The following RANBP2 variants were observed in gnomAD, a reference collection of about 807,000 sequenced individuals.
RANBP2 encodes the protein RAN binding protein 2.
A neutral mutation model predicts 303.6 loss-of-function variants in RANBP2; 57 were observed. The observed-to-expected ratio is 0.19, with a 90% CI of 0.15 to 0.23. The LOEUF (loss-of-function observed/expected upper bound fraction) is 0.23. Ranked by LOEUF, RANBP2 falls within the 10% of genes least tolerant of loss-of-function variation. The pLI is 1.00. For synonymous variants in RANBP2, 1,167 were observed against 1,301.5 expected (o/e 0.90, Z 2.23); for missense variants, 3,138 against 3,780.8 (o/e 0.83, Z 4.46).
the RANBP2 span, among the ~76,000 whole-genome samples, chr2:109,331,843 G>A: frequency 6.6e-6 from 1 of 152,156 alleles, no homozygotes; most frequent in African/African-American, 2.4e-5. Context: ...GGGGCACCCT[G>A]TCATGCCCCT....
At chr2:108,909,579 C>T in the RANBP2 span, among the ~76,000 whole-genome samples, 1 of 152,242 alleles carries the variant, frequency 6.6e-6, no homozygotes, top group Non-Finnish European at 1.5e-5. Context: ...GGTGTCCTTC[C>T]AGGCGCAGCC....
chr2:109,123,229 C>G, the RANBP2 span, among the ~76,000 whole-genome samples: 3 of 152,154 alleles, frequency 2.0e-5, no homozygotes, highest in African/African-American at 7.2e-5. Flanking sequence ...GCTAACTAGA[C>G]AGGTGCCCTG....
the RANBP2 span, among the ~76,000 whole-genome samples, chr2:109,573,614 A>C: frequency 3.5e-4 from 54 of 152,330 alleles, no homozygotes; most frequent in African/African-American, 9.1e-4. Context: ...GCAGAGAAAG[A>C]AGCAGCATCC....
In RANBP2 at chr2:108,782,025, T is replaced by C. The variant is rs142694332; in HGVS notation, c.8761-103T>C. ...AGTTATCACATTAACAAATTCTCTT[T>C]GTCATCACAAAGAAAATGCCTTAAA... On this transcript the variant is annotated intron_variant, in intron 26 of 28. Transcript: ENST00000283195. The C allele has an allele frequency of 3.8e-4, 504 of 1,341,464 alleles. 3 individuals carry two copies. The African/African-American group carries it at 6.6e-3, about 18-fold the overall frequency. The allele number at this position is 1,341,464 out of a possible 1,614,324, so 83.1% of individuals were successfully genotyped here. A position where few individuals can be genotyped will look rare whatever the true frequency, so the allele number is the denominator to read the frequency against.
chr2:108,957,726 G>T, the RANBP2 span, among the ~76,000 whole-genome samples: 1 of 152,248 alleles, frequency 6.6e-6, no homozygotes, highest in Admixed American at 6.5e-5. Context: ...TAGTGGAGGT[G>T]AGAAGCCTCA....
chr2:109,047,990 TG>T, the RANBP2 span, among the ~76,000 whole-genome samples: 1 of 151,866 alleles, frequency 6.6e-6, no homozygotes, highest in Non-Finnish European at 1.5e-5. Flanking sequence ...TGGGTGGGAG[TG>T]GAGACAAAGC....
chr2:108,775,971 A>G, intron 24 of RANBP2, 35 bp downstream of exon 24: 1 of 1,548,586 alleles, frequency 6.5e-7, no homozygotes, highest in Non-Finnish European at 8.8e-7. Context: ...TGTGTTACAT[A>G]AGGGACACCT....
At chr2:109,148,203 C>A in the RANBP2 span, among the ~76,000 whole-genome samples, 1 of 152,200 alleles carries the variant, frequency 6.6e-6, no homozygotes. Flanking sequence ...CCTGCCTGCT[C>A]TAGGACTCAG....
the RANBP2 span, among the ~76,000 whole-genome samples, chr2:109,010,561 G>GC: frequency 1.3e-5 from 2 of 152,174 alleles, no homozygotes; most frequent in African/African-American, 4.8e-5. Context: ...GAGGCTTGCA[G>GC]ATGGCTGTCT....
chr2:109,701,247 AG>A, the RANBP2 span, among the ~76,000 whole-genome samples: 60 of 152,226 alleles, frequency 3.9e-4, 1 homozygote, highest in Non-Finnish European at 7.6e-4. Context: ...TTTCTCTCAT[AG>A]GGATTTTCCC....
the RANBP2 span, among the ~76,000 whole-genome samples, chr2:109,048,932 A>G: frequency 6.6e-6 from 1 of 152,244 alleles, no homozygotes; most frequent in South Asian, 2.1e-4. Context: ...TCCCACCTCT[A>G]GATTGGTATG....
At position 108,764,555 on chromosome 2, in the gene RANBP2, C is replaced by A. The variant is rs1676974807; in HGVS notation, c.4016C>A (p.Ala1339Asp). ...HDNKDICKSD[A>D]GNLNFEFQVA... ...AACAAGGATATTTGCAAATCTGATG[C>A]TGGAAACCTGAATTTTGAATTTCAG... The change falls in exon 20 of 29, where the codon GCT becomes GAT. Residue 1339 changes from alanine to aspartate, a missense_variant. Around this residue, in one of 20 missense-constraint regions of RANBP2, gnomAD observed 388 missense variants for 328.5 expected, o/e 1.18. Transcript: ENST00000283195. 1 of 1,613,766 alleles carries A rather than the reference C, an allele frequency of 6.2e-7. No homozygotes were observed. The highest frequency in any genetic ancestry group is 8.5e-7 in the Non-Finnish European group (1 of 1,179,924).
At chr2:109,481,872 C>T in the RANBP2 span, among the ~76,000 whole-genome samples, 1 of 152,110 alleles carries the variant, frequency 6.6e-6, no homozygotes, top group Non-Finnish European at 1.5e-5. Flanking sequence ...GAGCAATTGG[C>T]CAAGTCACTG....
the RANBP2 span, among the ~76,000 whole-genome samples, chr2:109,321,974 G>T: frequency 1.3e-5 from 2 of 152,100 alleles, no homozygotes; most frequent in African/African-American, 4.8e-5. Context: ...ATTGGTCCTC[G>T]TTATTCAGTA....
chr2:109,085,949 A>G, the RANBP2 span, among the ~76,000 whole-genome samples: 2 of 152,116 alleles, frequency 1.3e-5, no homozygotes, highest in South Asian at 4.1e-4. Context: ...CATTAAGTAC[A>G]TTCATGCCAT....
the RANBP2 span, among the ~76,000 whole-genome samples, chr2:109,407,621 G>A: frequency 6.6e-6 from 1 of 152,212 alleles, no homozygotes; most frequent in Non-Finnish European, 1.5e-5. Context: ...GCTCTCAACT[G>A]CAGAGTACAA....
chr2:109,492,528 C>T, the RANBP2 span, among the ~76,000 whole-genome samples: 1 of 152,218 alleles, frequency 6.6e-6, no homozygotes, highest in Non-Finnish European at 1.5e-5. Flanking sequence ...ATGCCCAGGA[C>T]AGCCAGGCCC....
the RANBP2 span, chr2:109,615,711 AGCG>A: frequency 6.2e-7 from 1 of 1,613,602 alleles, no homozygotes; most frequent in Non-Finnish European, 8.5e-7. Flanking sequence ...CGCCGCGGGT[AGCG>A]GCGGCGGGCG....
chr2:109,710,812 C>G, the RANBP2 span, among the ~76,000 whole-genome samples: 1 of 152,116 alleles, frequency 6.6e-6, no homozygotes, highest in Admixed American at 6.6e-5. Context: ...ACCCCCCGGG[C>G]ACTTTAGCTG....
Sources: allele counts gnomAD v4.1 joint callset (sites outside exome capture counted in the v4.1 genomes callset), GRCh38; gene constraint gnomAD v4.1.1; regional missense constraint gnomAD v4.1.1; transcripts MANE v1.5; gene names NCBI Gene and HGNC (gene_info 2026-07-23, HGNC 2026-07-21).